ATRNL1: variants seen among roughly 807,000 people sequenced by gnomAD.
The protein encoded by ATRNL1 is attractin-like protein 1.
In ATRNL1, 95 loss-of-function variants were observed where a neutral mutation model predicts 182.7. The ratio of observed to expected loss-of-function variants is 0.52; its 90% confidence interval spans 0.44 to 0.62. The LOEUF is 0.62. Among genes scored for constraint, ATRNL1 ranks in the 20% least tolerant of loss-of-function variants. The pLI is 0.00. For synonymous variants in ATRNL1, 576 were observed against 568.3 expected, an observed-to-expected ratio of 1.01 and a Z score of -0.19; for missense variants, 1,471 against 1,679.5, an observed-to-expected ratio of 0.88 and a Z score of 2.17.
At chr10:115,748,619 T>A (rs570271014) in intron 27 of ATRNL1, among the ~76,000 whole-genome samples, 1 of 151,996 alleles carries the variant, frequency 6.6e-6, no homozygotes, top group African/African-American at 2.4e-5. Context: ...AATTTCTTTT[T>A]AAATACATTT....
intron 19 of ATRNL1, among the ~76,000 whole-genome samples, chr10:115,378,123 G>T (rs527896666): frequency 6.6e-6 from 1 of 152,086 alleles, no homozygotes; most frequent in Non-Finnish European, 1.5e-5. Flanking sequence ...TGAGGCCAAG[G>T]TCTTCATATC....
At chr10:115,315,767 T>C (rs959645161) in intron 18 of ATRNL1, 31 bp downstream of exon 18, 3 of 1,577,394 alleles carry the variant, frequency 1.9e-6, no homozygotes, top group Admixed American at 1.7e-5. Context: ...ACAATTTCAG[T>C]TTCTGCTTAA....
chr10:115,601,972 A>ATT (rs554486967), intron 26 of ATRNL1, among the ~76,000 whole-genome samples: 6 of 136,318 alleles, frequency 4.4e-5, no homozygotes, highest in African/African-American at 1.1e-4. Context: ...TACTTTTTGG[A>ATT]TTTTTTTTTT....
chr10:115,531,737 T>A (rs1305286983), intron 25 of ATRNL1, among the ~76,000 whole-genome samples: 2 of 151,182 alleles, frequency 1.3e-5, no homozygotes, highest in African/African-American at 4.8e-5. Flanking sequence ...GCCTAGGTTT[T>A]CTTCTAGGGT....
intron 1 of ATRNL1, among the ~76,000 whole-genome samples, chr10:115,095,809 G>A (rs1214459116): frequency 1.3e-5 from 2 of 152,050 alleles, no homozygotes; most frequent in Non-Finnish European, 2.9e-5. Flanking sequence ...CAGTGAAAAA[G>A]CCTCATCCAT....
At chr10:115,171,415 T>A in intron 8 of ATRNL1, 123 bp downstream of exon 8, 2 of 785,542 alleles carry the variant, frequency 2.5e-6, no homozygotes, top group Non-Finnish European at 3.7e-6. Context: ...AGCTGATAAT[T>A]AATAATTTTT....
intron 26 of ATRNL1, among the ~76,000 whole-genome samples, chr10:115,656,212 G>T (rs1555035825): frequency 6.6e-6 from 1 of 152,088 alleles, no homozygotes; most frequent in East Asian, 1.9e-4. Context: ...TTATTAGCAA[G>T]AAATGAAACT....
intron 26 of ATRNL1, among the ~76,000 whole-genome samples, chr10:115,686,461 C>G (rs1946222489): frequency 6.6e-6 from 1 of 151,978 alleles, no homozygotes; most frequent in African/African-American, 2.4e-5. Context: ...TTTGGTAAGA[C>G]CTGCTATTAA....
intron 28 of ATRNL1, among the ~76,000 whole-genome samples, chr10:115,922,373 T>A (rs2134565928): frequency 6.6e-6 from 1 of 152,308 alleles, no homozygotes; most frequent in South Asian, 2.1e-4. Context: ...TTAAATATAC[T>A]TAAGATAAAA....
At chr10:115,252,043 T>C (rs933970706) in intron 10 of ATRNL1, among the ~76,000 whole-genome samples, 1 of 152,130 alleles carries the variant, frequency 6.6e-6, no homozygotes, top group Non-Finnish European at 1.5e-5. Context: ...TGTTGTTGTT[T>C]TGAGACAGAG....
chr10:115,409,258 G>A (rs1016791080), intron 20 of ATRNL1, among the ~76,000 whole-genome samples: 4 of 151,918 alleles, frequency 2.6e-5, no homozygotes, highest in Admixed American at 1.3e-4. Context: ...TTATTTTGTA[G>A]TTTTCCTTGT....
At chr10:115,104,904 C>CT (rs1487760765) in intron 1 of ATRNL1, among the ~76,000 whole-genome samples, 52 of 133,384 alleles carry the variant, frequency 3.9e-4, no homozygotes, top group African/African-American at 1.4e-3. Context: ...TCTATGTGTC[C>CT]TTTTTTTTTC....
chr10:115,527,218 A>G (rs1851266919), intron 25 of ATRNL1, among the ~76,000 whole-genome samples: 2 of 151,208 alleles, frequency 1.3e-5, no homozygotes, highest in Admixed American at 1.3e-4. Flanking sequence ...TCCCAGGCTC[A>G]AGCGATCCTC....
chr10:115,322,899 C>G (rs180705764), intron 18 of ATRNL1, among the ~76,000 whole-genome samples: 29 of 151,950 alleles, frequency 1.9e-4, no homozygotes, highest in African/African-American at 6.7e-4. Flanking sequence ...TTATCTCTTT[C>G]TTCTTTCAAG....
chr10:115,726,911 A>C (rs1947615389), intron 26 of ATRNL1, among the ~76,000 whole-genome samples: 1 of 151,824 alleles, frequency 6.6e-6, no homozygotes, highest in African/African-American at 2.4e-5. Flanking sequence ...TGAGTAGGAA[A>C]ATTTGGCATA....
At chr10:115,761,509 G>A (rs1948734883) in intron 27 of ATRNL1, among the ~76,000 whole-genome samples, 1 of 152,144 alleles carries the variant, frequency 6.6e-6, no homozygotes, top group Non-Finnish European at 1.5e-5. Flanking sequence ...TTCTCCATTT[G>A]AGAAAACAGG....
At chr10:115,239,374 A>G (rs889718023) in intron 9 of ATRNL1, among the ~76,000 whole-genome samples, 1 of 152,016 alleles carries the variant, frequency 6.6e-6, no homozygotes, top group Non-Finnish European at 1.5e-5. Context: ...CTGGGACTAC[A>G]GGCGCAGGCT....
At chr10:115,584,716 A>AT (rs1309496622) in intron 26 of ATRNL1, among the ~76,000 whole-genome samples, 28 of 152,068 alleles carry the variant, frequency 1.8e-4, no homozygotes, top group African/African-American at 6.3e-4. Context: ...GGATTCATTA[A>AT]TTTTTTGAAA....
At chr10:115,277,824 T>C (rs1852171784) in intron 13 of ATRNL1, among the ~76,000 whole-genome samples, 1 of 152,140 alleles carries the variant, frequency 6.6e-6, no homozygotes, top group South Asian at 2.1e-4. Flanking sequence ...TAACTTTTAA[T>C]CTCTCAATGC....
Sources: allele counts gnomAD v4.1 joint callset (sites outside exome capture counted in the v4.1 genomes callset), GRCh38; gene constraint gnomAD v4.1.1; transcripts MANE v1.5; gene names NCBI Gene and HGNC (gene_info 2026-07-23, HGNC 2026-07-21).